The following ANO9 variants were observed in gnomAD, a reference collection of about 807,000 sequenced individuals.
ANO9 encodes anoctamin-9.
A neutral mutation model predicts 100.5 loss-of-function variants in ANO9; 80 were observed. The ratio of observed to expected loss-of-function variants is 0.80; its 90% confidence interval spans 0.66 to 0.96. The LOEUF (loss-of-function observed/expected upper bound fraction) is 0.96. Among genes scored for constraint, ANO9 ranks in the 40% least tolerant of loss-of-function variants. The probability of loss-of-function intolerance (pLI) is 0.00; values close to 1 mark genes in which losing one functional copy is unlikely to be tolerated. For synonymous variants in ANO9, 473 were observed against 435.6 expected, an observed-to-expected ratio of 1.09 and a Z score of -1.07; for missense variants, 1,064 against 1,072.7, an observed-to-expected ratio of 0.99 and a Z score of 0.11.
Position 430,228 on chromosome 11 carries a change from C to A in ANO9, c.674+41G>T, listed in dbSNP as rs576353394. ...GGGTCGGCTCCTCCAGGCAGCAGGG[C>A]CCACCCCGGCCCCCCATGCCCGGCC... On this transcript the variant is annotated intron_variant, in intron 8 of 22. Transcript: ENST00000332826. 18 of 1,550,696 alleles carry A rather than the reference C, an allele frequency of 1.2e-5. No individual in the cohort carries two copies. In the Admixed American group the frequency reaches 2.9e-4, roughly 25 times the overall value.
At chr11:437,577 T>C (rs1373080073) in intron 1 of ANO9, among the ~76,000 whole-genome samples, 2 of 152,090 alleles carry the variant, frequency 1.3e-5, no homozygotes, top group Admixed American at 6.5e-5. Flanking sequence ...CTGAAACTTC[T>C]CCCCCGTCCT....
In ANO9 at chr11:429,798, A is replaced by G. The variant is rs1848774882; in HGVS notation, c.792T>C (p.Asn264=). 5 of 1,578,778 alleles carry G rather than the reference A, an allele frequency of 3.2e-6. No individual in the cohort carries two copies. Among genetic ancestry groups the G allele is most frequent in the Non-Finnish European group, 4.3e-6 (5 of 1,159,328 alleles). Residue 264 remains asparagine, a synonymous_variant, in exon 10 of 23, where the codon AAT becomes AAC. Transcript: ENST00000332826. Reference sequence around the variant, plus strand: ...AGATGGCGAACACCACCGTGCCATCATTGTCAAAGAGGTGGGTGAGCTGGG... The same window carrying G: ...AGATGGCGAACACCACCGTGCCATCGTTGTCAAAGAGGTGGGTGAGCTGGG... ...TFAKLTHLFD[N]DGTVVFAIFM...
At chr11:435,859 GT>G (rs1849486941) in intron 1 of ANO9, among the ~76,000 whole-genome samples, 1 of 150,706 alleles carries the variant, frequency 6.6e-6, no homozygotes, top group Non-Finnish European at 1.5e-5. Context: ...GTCTAGTCTA[GT>G]CTAGTATAGC....
At position 437,582 on chromosome 11, in the gene ANO9, C is replaced by G. The variant is rs529481619; in HGVS notation, c.7-3484G>C. On this transcript the variant is annotated intron_variant, in intron 1 of 22. Coordinates refer to ENST00000332826, the MANE Select transcript of ANO9 (RefSeq NM_001012302.3). The stretch of plus-strand genomic sequence containing the variant: ...GCCTGCCACACTGAAACTTCTCCCC[C>G]GTCCTGGGTTAGAGGAGAAACCTTC... 2.5e-4 allele frequency among the ~76,000 whole-genome samples: 38 copies of G among 152,318 alleles called. 1 individual carries two copies. In the South Asian group the frequency reaches 6.4e-3, roughly 26 times the overall value.
intron 15 of ANO9, among the ~76,000 whole-genome samples, chr11:424,801 TAAAG>T (rs1299515906): frequency 6.6e-6 from 1 of 151,682 alleles, no homozygotes; most frequent in African/African-American, 2.4e-5. Flanking sequence ...GAATAAAAAA[TAAAG>T]AGGAAACAAA....
At position 421,322 on chromosome 11, in the gene ANO9, G is replaced by C. The variant is rs1265117180; in HGVS notation, c.1335-124C>G. On this transcript the variant is annotated intron_variant, in intron 15 of 22. Coordinates refer to ENST00000332826, the MANE Select transcript of ANO9 (RefSeq NM_001012302.3). This position sits in a 1 kb window ranked among gnomAD's most constrained non-coding sequence, Gnocchi z 6.8. ...GGCGGGGCAGGCCCTGCAGGTGAGC[G>C]GGGCACAGGTGCTCACACCCAGATG... 9.8e-7 allele frequency: 1 copy of C among 1,015,732 alleles called. No individual in the cohort carries two copies. Among genetic ancestry groups the C allele is most frequent in the Non-Finnish European group, 1.4e-6 (1 of 724,770 alleles). 62.9% of individuals were successfully genotyped at this position (1,015,732 alleles called of 1,614,324 possible).
At chr11:437,059 T>TGCGCGGGGGGTGCGCG (rs1564936314) in intron 1 of ANO9, among the ~76,000 whole-genome samples, 2 of 64,502 alleles carry the variant, frequency 3.1e-5, no homozygotes, top group East Asian at 8.5e-4. Context: ...GGGGGTGAGC[T>TGCGCGGGGGGTGCGCG]GGGGGTGAAT....
chr11:428,171 C>G lies in ANO9; in HGVS notation c.1251G>C (p.Glu417Asp), dbSNP rs1379611976. 1.2e-6 allele frequency: 2 copies of G among 1,612,102 alleles called. No individual in the cohort carries two copies. The highest frequency in any genetic ancestry group is 1.7e-6 in the Non-Finnish European group (2 of 1,179,752). The change falls in exon 15 of 23, where the codon GAG (glutamate) becomes GAC (aspartate). Residue 417 changes from glutamate to aspartate, a missense_variant. Transcript: ENST00000332826. ...FEMPRTFSER[E>D]SRFTIRFFTL... ...TGAAGAAGCGGATGGTGAACCTGCT[C>G]TCTCGCTCCGAGAAGGTCCTGGGCA...
rs746089671 is a variant in ANO9 at position 430,322 on chromosome 11, C to G, written c.621G>C (p.Thr207=). ...YTYMLVPAAL[T]GLLVFLSGFS... The stretch of plus-strand genomic sequence containing the variant: ...ATCCGCTCAGAAAGACTAAGAGGCC[C>G]GTCAGGGCGGCCGGCACCAGCATGT... The change falls in exon 8 of 23, where the codon ACG becomes ACC. Residue 207 remains threonine (T), a synonymous_variant. Transcript: ENST00000332826. The G allele has an allele frequency of 6.8e-6, 11 of 1,608,722 alleles. No homozygotes were observed. In the East Asian group the frequency reaches 1.3e-4, roughly 20 times the overall value.
rs767317408 is a variant in ANO9, at chr11:428,520, C to T, written c.1140G>A (p.Val380=). The T allele has an allele frequency of 3.7e-6, 6 of 1,612,520 alleles. No homozygotes were observed. The highest frequency in any genetic ancestry group is 1.7e-5 in the Admixed American group (1 of 60,006). Residue 380 remains valine, a synonymous_variant, in exon 13 of 23, where the codon GTG becomes GTA. Transcript: ENST00000332826. ...LEEQVTTAVV[V]TGALVHYVTI... The stretch of plus-strand genomic sequence containing the variant: ...TCACATAGTGCACCAGAGCCCCGGT[C>T]ACCACCACGGCCGTGGTCACCTGCT...
intron 1 of ANO9, among the ~76,000 whole-genome samples, chr11:435,195 CATAGCATAGT>C (rs796145833): frequency 2.1e-3 from 314 of 151,820 alleles, no homozygotes; most frequent in African/African-American, 7.4e-3. Context: ...CATAGGATAG[CATAGCATAGT>C]ATAGCATAGG....
In ANO9 at chr11:418,535, G is replaced by A. The variant is rs769968460; in HGVS notation, c.2185C>T (p.Gln729Ter). 6 of 1,613,130 alleles carry A rather than the reference G, an allele frequency of 3.7e-6. No homozygotes were observed. The Admixed American group carries it at 5.0e-5, about 13-fold the overall frequency. Residue 729 changes from glutamine (Q) to a stop codon, truncating the protein, a stop_gained, in exon 23 of 23, where the codon CAG becomes TAG. Transcript: ENST00000332826. LOFTEE classifies it low-confidence loss of function (END_TRUNC). ...IAAWFVPDIP[Q>*]SVKNKVLEVK... ...TCCAGAACCTTGTTCTTCACCGACT[G>A]AGGGATGTCGGGCACGAACCAGGCG...
chr11:436,483 T>C (rs1046488695), intron 1 of ANO9, among the ~76,000 whole-genome samples: 3 of 151,720 alleles, frequency 2.0e-5, no homozygotes, highest in African/African-American at 7.3e-5. Flanking sequence ...CCCTATTCTC[T>C]CTACCGTCTC....
At chr11:434,588 C>G (rs1043643614) in intron 1 of ANO9, among the ~76,000 whole-genome samples, 5 of 152,194 alleles carry the variant, frequency 3.3e-5, no homozygotes, top group African/African-American at 1.2e-4. Context: ...AGCCCGTCCA[C>G]CCCTGGAGGT....
chr11:440,060 AAG>A, intron 1 of ANO9, among the ~76,000 whole-genome samples: 1 of 152,176 alleles, frequency 6.6e-6, no homozygotes, highest in Non-Finnish European at 1.5e-5. Flanking sequence ...TCCCGGGAGA[AAG>A]AACATGTGTG....
rs1027505302 is a variant in ANO9, at chr11:430,185, G to A, written c.675-6C>T. The stretch of plus-strand genomic sequence containing the variant: ...GGGCCTCACAGATCTCCTTGCTGAA[G>A]GGGCAGGGATGAGGCTGGGGTCGGC... On this transcript the variant is annotated splice_polypyrimidine_tract_variant and splice_region_variant and intron_variant, in intron 8 of 22. Transcript: ENST00000332826. The A allele has an allele frequency of 7.7e-6, 12 of 1,551,192 alleles. No individual in the cohort carries two copies. Among genetic ancestry groups the A allele is most frequent in the Non-Finnish European group, 1.0e-5 (12 of 1,147,706 alleles).
At position 420,973 on chromosome 11, in the gene ANO9, G is replaced by C. The variant is rs1489017002; in HGVS notation, c.1462C>G (p.Leu488Val). 1 of 1,606,706 alleles carries C rather than the reference G, an allele frequency of 6.2e-7. No individual in the cohort carries two copies. Among genetic ancestry groups the C allele is most frequent in the Non-Finnish European group, 8.5e-7 (1 of 1,175,770 alleles). ...ACCAGGTACTCGACGCAGTTGCTGA[G>C]CGTCTGCTTCAGGCCCATGATGATG... is the stretch of plus-strand genomic sequence containing the variant. ...MAIIMGLKQT[L>V]SNCVEYLVPW... is the part of the protein sequence containing the mutation. The change falls in exon 17 of 23, where the codon CTC (leucine) becomes GTC (valine). Residue 488 changes from leucine (L) to valine (V), a missense_variant. Coordinates refer to ENST00000332826, the MANE Select transcript of ANO9 (RefSeq NM_001012302.3).
Position 419,655 on chromosome 11 carries a change from A to T in ANO9, c.1861T>A (p.Ser621Thr). 6.2e-7 allele frequency: 1 copy of T among 1,613,540 alleles called. No individual in the cohort carries two copies. Among genetic ancestry groups the T allele is most frequent in the Non-Finnish European group, 8.5e-7 (1 of 1,179,894 alleles). Residue 621 changes from serine (S) to threonine (T), a missense_variant, in exon 20 of 23, where the codon TCT becomes ACT. Coordinates refer to ENST00000332826, the MANE Select transcript of ANO9 (RefSeq NM_001012302.3). ...IANGMVIAFT[S>T]EFIPRVVYKY... ...TAGACCACTCGGGGGATGAACTCAG[A>T]TGTGAAGGCAATGACCATCCCATTG... is the stretch of plus-strand genomic sequence containing the variant.
chr11:437,047 T>A (rs76775788), intron 1 of ANO9, among the ~76,000 whole-genome samples: 1 of 58,360 alleles, frequency 1.7e-5, no homozygotes, highest in Non-Finnish European at 3.1e-5. Flanking sequence ...GGGGGGTGCG[T>A]GGGGGGTGAG....
Sources: gnomAD v4.1 joint callset for allele counts (sites outside exome capture counted in the v4.1 genomes callset) on GRCh38, gnomAD v4.1.1 for gene constraint, Gnocchi (gnomAD v3.1) non-coding constraint, MANE v1.5 for transcripts, NCBI Gene and HGNC (gene_info 2026-07-23, HGNC 2026-07-21) for gene names.